The following CNTNAP2 variants were observed in gnomAD, a reference collection of about 807,000 sequenced individuals.
CNTNAP2 encodes contactin-associated protein-like 2.
In CNTNAP2, 98 loss-of-function variants were observed where a neutral mutation model predicts 155.2. The observed-to-expected ratio is 0.63, with a 90% CI of 0.54 to 0.75. The LOEUF (loss-of-function observed/expected upper bound fraction) is 0.75. Ranked by LOEUF, CNTNAP2 falls within the 30% of genes least tolerant of loss-of-function variation. The pLI is 0.00. For synonymous variants in CNTNAP2, 651 were observed against 631.2 expected (o/e 1.03, Z -0.47); for missense variants, 1,727 against 1,688.1 (o/e 1.02, Z -0.40).
At chr7:146,164,438 G>A (rs1318731946) in intron 1 of CNTNAP2, among the ~76,000 whole-genome samples, 2 of 152,080 alleles carry the variant, frequency 1.3e-5, no homozygotes, top group African/African-American at 4.8e-5. Context: ...GTGGTTATTT[G>A]GTTGTTACTA....
chr7:146,188,611 T>C (rs1202333222), intron 1 of CNTNAP2, among the ~76,000 whole-genome samples: 1 of 152,198 alleles, frequency 6.6e-6, no homozygotes, highest in Non-Finnish European at 1.5e-5. Context: ...TTCTAGGCTA[T>C]TATGTCAAAG....
chr7:148,065,840 A>C (rs1214573196), intron 15 of CNTNAP2, among the ~76,000 whole-genome samples: 1 of 152,184 alleles, frequency 6.6e-6, no homozygotes, highest in Non-Finnish European at 1.5e-5. Flanking sequence ...TGTTGCCTGA[A>C]TACCTTGTTT....
At chr7:148,039,899 C>G (rs531726792) in intron 15 of CNTNAP2, among the ~76,000 whole-genome samples, 4 of 152,288 alleles carry the variant, frequency 2.6e-5, no homozygotes, top group Admixed American at 6.5e-5. Flanking sequence ...AAACATCTTA[C>G]TATAGTAGTT....
At chr7:147,401,543 ACT>A (rs1278044268) in intron 10 of CNTNAP2, among the ~76,000 whole-genome samples, 1 of 152,116 alleles carries the variant, frequency 6.6e-6, no homozygotes, top group Non-Finnish European at 1.5e-5. Context: ...AACTAAATTG[ACT>A]CTGTTGGAAA....
chr7:147,653,429 G>C (rs995352742), intron 13 of CNTNAP2, among the ~76,000 whole-genome samples: 6 of 152,118 alleles, frequency 3.9e-5, no homozygotes, highest in African/African-American at 1.4e-4. Context: ...GGCAGCACCT[G>C]GGGGGATGAA....
chr7:147,908,065 G>A (rs1044938395), intron 14 of CNTNAP2, among the ~76,000 whole-genome samples: 2 of 151,894 alleles, frequency 1.3e-5, no homozygotes, highest in Admixed American at 6.6e-5. Context: ...CACCACAACT[G>A]GCCCTTATCA....
At chr7:146,163,717 C>T (rs1798268408) in intron 1 of CNTNAP2, among the ~76,000 whole-genome samples, 1 of 148,774 alleles carries the variant, frequency 6.7e-6, no homozygotes, top group African/African-American at 2.5e-5. Context: ...CACTGCACTC[C>T]ATACTGGGTA....
intron 15 of CNTNAP2, among the ~76,000 whole-genome samples, chr7:148,068,874 G>C (rs1289037787): frequency 6.6e-6 from 1 of 152,142 alleles, no homozygotes; most frequent in Admixed American, 6.5e-5. Flanking sequence ...CCTTGCTGAA[G>C]ACTTAAGGGA....
intron 1 of CNTNAP2, among the ~76,000 whole-genome samples, chr7:146,397,933 G>A (rs1795656301): frequency 6.7e-6 from 1 of 149,940 alleles, no homozygotes; most frequent in Non-Finnish European, 1.5e-5. Flanking sequence ...GAGTGCAGTG[G>A]TGTGATCTTG....
intron 1 of CNTNAP2, among the ~76,000 whole-genome samples, chr7:146,296,586 A>G (rs10262823): frequency 0.24 from 36,517 of 152,120 alleles, 11,109 homozygotes; most frequent in African/African-American, 0.72. Flanking sequence ...TCATGATGTT[A>G]AGGGAAATAT....
chr7:147,595,172 C>G (rs971101282), intron 12 of CNTNAP2, among the ~76,000 whole-genome samples: 2 of 152,056 alleles, frequency 1.3e-5, no homozygotes, highest in Admixed American at 6.6e-5. Context: ...ATAAAAAGAG[C>G]GTTGATGTCC....
At chr7:146,148,868 A>G (rs1797992968) in intron 1 of CNTNAP2, among the ~76,000 whole-genome samples, 1 of 152,128 alleles carries the variant, frequency 6.6e-6, no homozygotes, top group South Asian at 2.1e-4. Context: ...AATTGTGTCC[A>G]TGTTTTCTAC....
intron 1 of CNTNAP2, among the ~76,000 whole-genome samples, chr7:146,445,805 T>C (rs1400591653): frequency 2.0e-5 from 3 of 152,198 alleles, no homozygotes; most frequent in Non-Finnish European, 4.4e-5. Context: ...CTATTTATTG[T>C]AGCATTGACA....
chr7:146,836,597 C>T (rs563457184), intron 2 of CNTNAP2, among the ~76,000 whole-genome samples: 9 of 152,156 alleles, frequency 5.9e-5, no homozygotes, highest in Non-Finnish European at 1.0e-4. Context: ...CTGACTTCCA[C>T]ATTTATTATA....
At chr7:147,824,732 CT>C (rs55978737) in intron 13 of CNTNAP2, among the ~76,000 whole-genome samples, 47,299 of 151,326 alleles carry the variant, frequency 0.31, 7,761 homozygotes, top group Middle Eastern at 0.4. Context: ...TACCAGCTTC[CT>C]TTTTTTTTCT....
At chr7:146,880,502 CTTAAAA>C (rs1381701699) in intron 3 of CNTNAP2, among the ~76,000 whole-genome samples, 2 of 151,972 alleles carry the variant, frequency 1.3e-5, no homozygotes, top group Non-Finnish European at 1.5e-5. Flanking sequence ...TTAAATAAAA[CTTAAAA>C]TTAAGTAAAT....
intron 1 of CNTNAP2, among the ~76,000 whole-genome samples, chr7:146,715,730 A>G (rs1801175569): frequency 6.6e-6 from 1 of 152,184 alleles, no homozygotes; most frequent in Admixed American, 6.5e-5. Flanking sequence ...AAACCAAGTT[A>G]AATAGTTTTT....
intron 4 of CNTNAP2, among the ~76,000 whole-genome samples, chr7:147,095,391 A>G (rs376246406): frequency 2.6e-4 from 39 of 152,080 alleles, no homozygotes; most frequent in African/African-American, 9.4e-4. Context: ...TCACCATCAT[A>G]ACCTAATCAC....
chr7:148,053,716 C>T (rs1315345582), intron 15 of CNTNAP2, among the ~76,000 whole-genome samples: 8 of 152,000 alleles, frequency 5.3e-5, no homozygotes, highest in Non-Finnish European at 1.2e-4. Flanking sequence ...CTTTTTATAC[C>T]ATTATGCTGG....
Sources: gnomAD v4.1 joint callset for allele counts (sites outside exome capture counted in the v4.1 genomes callset) on GRCh38, gnomAD v4.1.1 for gene constraint, MANE v1.5 for transcripts, NCBI Gene and HGNC (gene_info 2026-07-23, HGNC 2026-07-21) for gene names.